WDFY2: variants seen among roughly 807,000 people sequenced by gnomAD.
WDFY2 encodes WD repeat and FYVE domain-containing protein 2.
In WDFY2, 36 loss-of-function variants were observed where a neutral mutation model predicts 56.4. The observed-to-expected ratio is 0.64, with a 90% CI of 0.49 to 0.84. The LOEUF (loss-of-function observed/expected upper bound fraction) is 0.84, where lower values mean the gene tolerates loss of function less well. Among genes scored for constraint, WDFY2 ranks in the 40% least tolerant of loss-of-function variants. The pLI is 0.00. For synonymous variants in WDFY2, 176 were observed against 183.7 expected, an observed-to-expected ratio of 0.96 and a Z score of 0.34; for missense variants, 444 against 512.2, an observed-to-expected ratio of 0.87 and a Z score of 1.29.
chr13:51,746,606 A>G (rs1241488646), intron 7 of WDFY2, among the ~76,000 whole-genome samples: 2 of 152,254 alleles, frequency 1.3e-5, no homozygotes, highest in African/African-American at 4.8e-5. Context: ...GCAAATAACT[A>G]TGTTTCCATG....
chr13:51,607,457 G>A (rs1313429168), intron 1 of WDFY2, among the ~76,000 whole-genome samples: 3 of 152,256 alleles, frequency 2.0e-5, no homozygotes, highest in South Asian at 2.1e-4. Context: ...GCCAAGGAGT[G>A]TATATCTTGG....
chr13:51,704,323 T>C (rs1191362042), intron 4 of WDFY2, among the ~76,000 whole-genome samples: 1 of 152,250 alleles, frequency 6.6e-6, no homozygotes, highest in Non-Finnish European at 1.5e-5. Context: ...TTTATTTCTC[T>C]TTATTCTTTA....
In WDFY2 at chr13:51,641,584, T is replaced by C. The variant is rs951116336; in HGVS notation, c.138-19012T>C. On this transcript the variant is annotated intron_variant, in intron 1 of 11. Coordinates refer to ENST00000298125, the MANE Select transcript of WDFY2 (RefSeq NM_052950.4). The stretch of plus-strand genomic sequence containing the variant: ...GCTCACGCCTGTAATCCCAGCACTT[T>C]GGGAGGCCGAGGCGGGCGGATCACG... Among the ~76,000 whole-genome samples, 3 of 151,002 alleles carry C rather than the reference T, an allele frequency of 2.0e-5. No individual in the cohort carries two copies. The South Asian group carries it at 6.3e-4, about 32-fold the overall frequency.
chr13:51,738,305 A>G (rs1952887655), intron 6 of WDFY2, among the ~76,000 whole-genome samples: 1 of 152,226 alleles, frequency 6.6e-6, no homozygotes, highest in South Asian at 2.1e-4. Flanking sequence ...AAAATCTATT[A>G]TAATATTTTA....
chr13:51,649,207 C>G (rs1210830166), intron 1 of WDFY2, among the ~76,000 whole-genome samples: 1 of 152,144 alleles, frequency 6.6e-6, no homozygotes, highest in Non-Finnish European at 1.5e-5. Flanking sequence ...CGACTATGGG[C>G]TACTTCATCT....
chr13:51,591,520 T>C (rs1954042955), intron 1 of WDFY2: 1 of 152,168 alleles, frequency 6.6e-6, no homozygotes, highest in Non-Finnish European at 1.5e-5. Context: ...TAGTAAAAAA[T>C]ATAGTTAGCA....
intron 3 of WDFY2, among the ~76,000 whole-genome samples, chr13:51,680,846 A>G (rs542041443): frequency 6.6e-6 from 1 of 152,226 alleles, no homozygotes; most frequent in African/African-American, 2.4e-5. Context: ...GCCCTAGACA[A>G]ATTTTCTTTG....
At chr13:51,728,027 G>GT (rs1952642685) in intron 6 of WDFY2, among the ~76,000 whole-genome samples, 1 of 152,168 alleles carries the variant, frequency 6.6e-6, no homozygotes, top group Non-Finnish European at 1.5e-5. Flanking sequence ...TGATAATTTG[G>GT]TTCTCTGTCA....
At chr13:51,734,329 A>G (rs762993253) in intron 6 of WDFY2, among the ~76,000 whole-genome samples, 9 of 152,210 alleles carry the variant, frequency 5.9e-5, no homozygotes, top group Non-Finnish European at 1.2e-4. Flanking sequence ...TTCTCTTCTA[A>G]CTAATTGGAA....
At chr13:51,754,423 C>T (rs1953315460) in intron 8 of WDFY2, among the ~76,000 whole-genome samples, 1 of 152,156 alleles carries the variant, frequency 6.6e-6, no homozygotes, top group Non-Finnish European at 1.5e-5. Flanking sequence ...TGCTAAATAA[C>T]CAAACAGCTG....
At chr13:51,610,591 A>G (rs1954482916) in intron 1 of WDFY2, among the ~76,000 whole-genome samples, 1 of 152,218 alleles carries the variant, frequency 6.6e-6, no homozygotes, top group South Asian at 2.1e-4. Flanking sequence ...CTTTGCATCC[A>G]GTAATGTTAT....
chr13:51,705,683 G>A (rs1399863926), intron 4 of WDFY2, among the ~76,000 whole-genome samples: 3 of 152,002 alleles, frequency 2.0e-5, no homozygotes, highest in Admixed American at 2.0e-4. Flanking sequence ...CGTAAGGGTA[G>A]ATGGGGTATC....
intron 7 of WDFY2, among the ~76,000 whole-genome samples, chr13:51,739,995 G>A (rs1405621107): frequency 6.6e-6 from 1 of 152,184 alleles, no homozygotes; most frequent in African/African-American, 2.4e-5. Context: ...TTTTCAAAAT[G>A]ATATTGAGCA....
intron 1 of WDFY2, among the ~76,000 whole-genome samples, chr13:51,629,826 C>CTTTTTTTTTTTTTTT (rs11432630): frequency 2.9e-4 from 36 of 125,098 alleles, no homozygotes; most frequent in East Asian, 6.8e-4. Context: ...TCTTTCTTTT[C>CTTTTTTTTTTTTTTT]TTTTTTTTTT....
At chr13:51,632,056 A>G (rs1954963022) in intron 1 of WDFY2, among the ~76,000 whole-genome samples, 1 of 152,148 alleles carries the variant, frequency 6.6e-6, no homozygotes, top group African/African-American at 2.4e-5. Context: ...AGTATTGATA[A>G]TTCATCTAAA....
At chr13:51,747,706 A>G (rs1271104863) in intron 7 of WDFY2, among the ~76,000 whole-genome samples, 1 of 151,924 alleles carries the variant, frequency 6.6e-6, no homozygotes. Context: ...TGAGTTTTTA[A>G]TTTTTGTAGA....
At chr13:51,681,593 T>A (rs1955977463) in intron 3 of WDFY2, among the ~76,000 whole-genome samples, 1 of 152,182 alleles carries the variant, frequency 6.6e-6, no homozygotes. Context: ...GACTGCCTAA[T>A]GTGAAGAGTT....
chr13:51,635,942 A>C (rs1401100869), intron 1 of WDFY2, among the ~76,000 whole-genome samples: 1 of 152,210 alleles, frequency 6.6e-6, no homozygotes, highest in African/African-American at 2.4e-5. Context: ...ATATCTGGGC[A>C]GTACCAAAGT....
intron 3 of WDFY2, among the ~76,000 whole-genome samples, chr13:51,676,936 G>GT: frequency 6.6e-6 from 1 of 152,282 alleles, no homozygotes; most frequent in South Asian, 2.1e-4. Flanking sequence ...GATAGTTTGC[G>GT]TAACGCTCAC....
Sources: gnomAD v4.1 joint callset for allele counts (sites outside exome capture counted in the v4.1 genomes callset) on GRCh38, gnomAD v4.1.1 for gene constraint, MANE v1.5 for transcripts, NCBI Gene and HGNC (gene_info 2026-07-23, HGNC 2026-07-21) for gene names.